MCCC1: variants seen among roughly 807,000 people sequenced by gnomAD.
MCCC1 encodes methylcrotonoyl-CoA carboxylase subunit alpha, mitochondrial.
Under a neutral mutation model 83.8 loss-of-function variants are expected in MCCC1, and 64 were observed. The ratio of observed to expected loss-of-function variants is 0.76; its 90% CI spans 0.62 to 0.94. The LOEUF is 0.94. Ranked by LOEUF, MCCC1 falls within the 40% of genes least tolerant of loss-of-function variation. The probability of loss-of-function intolerance (pLI) is 0.00; values close to 1 mark genes in which losing one functional copy is unlikely to be tolerated. For missense variants in MCCC1, 807 were observed against 904.7 expected (o/e 0.89, Z 1.39); for synonymous variants, 322 against 315.4 (o/e 1.02, Z -0.22).
intron 14 of MCCC1, among the ~76,000 whole-genome samples, chr3:183,030,256 C>A (rs142493355): frequency 2.6e-5 from 4 of 152,110 alleles, no homozygotes; most frequent in Middle Eastern, 3.4e-3. Context: ...TGCAGTGAGC[C>A]GAGATCATAC....
At position 183,038,895 on chromosome 3, in the gene MCCC1, A is replaced by G. The variant is rs1034395157; in HGVS notation, c.1377+131T>C. 6.1e-6 allele frequency: 5 copies of G among 821,774 alleles called. No homozygotes were observed. The African/African-American group carries it at 8.4e-5, about 14-fold the overall frequency. 50.9% of individuals were successfully genotyped at this position (821,774 alleles called of 1,614,324 possible). A position where few individuals can be genotyped will look rare whatever the true frequency, so the allele number is the denominator to read the frequency against. On this transcript the variant is annotated intron_variant, in intron 12 of 18. Transcript: ENST00000265594. ...CCCACGCAAAATTCTCCCATGTGAAACTATTTTGTTTGGGCAATTGATGGA... is the reference window on the plus strand; with the variant it reads ...CCCACGCAAAATTCTCCCATGTGAAGCTATTTTGTTTGGGCAATTGATGGA...
At chr3:183,061,531 AAGAC>A (rs1428832038) in intron 7 of MCCC1, among the ~76,000 whole-genome samples, 1 of 152,132 alleles carries the variant, frequency 6.6e-6, no homozygotes, top group African/African-American at 2.4e-5. Context: ...AGGTCCCTCT[AAGAC>A]AGGGCCCCAA....
chr3:183,030,397 C>A (rs1016579470), intron 14 of MCCC1, among the ~76,000 whole-genome samples: 1 of 152,184 alleles, frequency 6.6e-6, no homozygotes, highest in Non-Finnish European at 1.5e-5. Context: ...TGTGCTCACG[C>A]TTCTCCTTCA....
intron 1 of MCCC1, among the ~76,000 whole-genome samples, chr3:183,109,741 A>T (rs1342513558): frequency 3.9e-5 from 6 of 152,160 alleles, no homozygotes; most frequent in Non-Finnish European, 8.8e-5. Flanking sequence ...TCTTTGGTAG[A>T]ATGATTTATA....
intron 4 of MCCC1, among the ~76,000 whole-genome samples, chr3:183,081,953 T>C (rs1365899820): frequency 6.6e-6 from 1 of 152,170 alleles, no homozygotes; most frequent in Non-Finnish European, 1.5e-5. Context: ...GAGCCAGCTG[T>C]GCAGCTGCGG....
chr3:183,019,329 C>A (rs960216122), intron 17 of MCCC1, among the ~76,000 whole-genome samples: 1 of 152,170 alleles, frequency 6.6e-6, no homozygotes, highest in Non-Finnish European at 1.5e-5. Flanking sequence ...CTCCAGAATT[C>A]ATTTGTTAAA....
In MCCC1 at chr3:183,092,558, C is replaced by T. The variant is rs766994615; in HGVS notation, c.137-13G>A. On this transcript the variant is annotated splice_polypyrimidine_tract_variant and intron_variant, in intron 2 of 18. Transcript: ENST00000265594. ...GTAATGTTTCTTCCTGTTTAAAACA[C>T]CATGAAAATCACACAGAAATGTTAC... The T allele has an allele frequency of 1.2e-6, 2 of 1,613,792 alleles. No individual in the cohort carries two copies. Among genetic ancestry groups the T allele is most frequent in the African/African-American group, 2.7e-5 (2 of 74,880 alleles).
chr3:183,068,070 G>A (rs756171958), intron 7 of MCCC1, among the ~76,000 whole-genome samples: 2 of 152,118 alleles, frequency 1.3e-5, no homozygotes, highest in Non-Finnish European at 2.9e-5. Flanking sequence ...ACAGAAGATG[G>A]ATCTTTGTCC....
At chr3:183,100,725 C>T (rs1015228093), upstream of MCCC1, among the ~76,000 whole-genome samples, 4 of 152,248 alleles carry the variant, frequency 2.6e-5, no homozygotes, top group Non-Finnish European at 4.4e-5. Flanking sequence ...TGAGATGTGA[C>T]AGCGTGCTGG....
intron 10 of MCCC1, among the ~76,000 whole-genome samples, chr3:183,044,704 A>T (rs1317684460): frequency 6.6e-6 from 1 of 152,112 alleles, no homozygotes; most frequent in Non-Finnish European, 1.5e-5. Flanking sequence ...AGCCCCTGTG[A>T]CACAATCTCA....
chr3:183,086,605 C>T (rs991893344), intron 4 of MCCC1, 88 bp downstream of exon 4: 2 of 1,192,576 alleles, frequency 1.7e-6, no homozygotes, highest in African/African-American at 1.5e-5. Context: ...TTGGGAAAGG[C>T]TAAAAATAGA....
Position 183,015,319 on chromosome 3 carries a change from TAAG to T in MCCC1, c.*116_*118del. On this transcript the variant is annotated 3_prime_UTR_variant, in exon 19 of 19. Coordinates refer to ENST00000265594, the MANE Select transcript of MCCC1 (RefSeq NM_020166.5). ...TCTCCAATATGAAAGGTGTTCAGCA[TAAG>T]CATACAATCATTTAGTAAAACTGCT... 9.8e-7 allele frequency: 1 copy of T among 1,015,382 alleles called. No individual in the cohort carries two copies. Among genetic ancestry groups the T allele is most frequent in the South Asian group, 1.3e-5 (1 of 78,504 alleles). 62.9% of individuals were successfully genotyped at this position (1,015,382 alleles called of 1,614,324 possible).
chr3:183,032,946 G>A (rs1263679180), intron 14 of MCCC1, among the ~76,000 whole-genome samples: 1 of 151,970 alleles, frequency 6.6e-6, no homozygotes, highest in Non-Finnish European at 1.5e-5. Context: ...ATTTTCCTCT[G>A]TCCAAGGAAG....
At chr3:183,066,875 T>C (rs892143101) in intron 7 of MCCC1, among the ~76,000 whole-genome samples, 19 of 152,270 alleles carry the variant, frequency 1.2e-4, no homozygotes, top group African/African-American at 3.1e-4. Context: ...TTTTAAGCTA[T>C]TGACAGCTTT....
chr3:183,015,567 C>T lies in MCCC1; in HGVS notation c.2050-1G>A. 6.2e-7 allele frequency: 1 copy of T among 1,614,102 alleles called. No individual in the cohort carries two copies. Among genetic ancestry groups the T allele is most frequent in the Non-Finnish European group, 8.5e-7 (1 of 1,179,990 alleles). On this transcript the variant is annotated splice_acceptor_variant, in intron 18 of 18. Transcript: ENST00000265594. LOFTEE classifies it high-confidence loss of function. ...CATCCTTTGGAGACTTTATGGTATG[C>T]TGCAGAGACACATGACAGGACAAAT...
chr3:183,023,307 G>A (rs1467273597), intron 15 of MCCC1, among the ~76,000 whole-genome samples: 3 of 152,144 alleles, frequency 2.0e-5, no homozygotes, highest in African/African-American at 7.2e-5. Flanking sequence ...ACACTAAGGT[G>A]AAATAGGTCA....
chr3:183,045,960 C>A (rs1714527091), intron 9 of MCCC1, among the ~76,000 whole-genome samples: 1 of 152,100 alleles, frequency 6.6e-6, no homozygotes, highest in East Asian at 1.9e-4. Context: ...TTTTTAAAGC[C>A]CTTTTGCTGG....
Position 183,064,608 on chromosome 3 carries a change from G to A in MCCC1, c.761+6391C>T, listed in dbSNP as rs1405160628. Among the ~76,000 whole-genome samples, 1 of 152,192 alleles carries A rather than the reference G, an allele frequency of 6.6e-6. No homozygotes were observed. Among genetic ancestry groups the A allele is most frequent in the African/African-American group, 2.4e-5 (1 of 41,456 alleles). On this transcript the variant is annotated intron_variant, in intron 7 of 18. Transcript: ENST00000265594. The surrounding 1 kb of genome is among the most constrained non-coding windows in gnomAD (Gnocchi z 4.5). ...CTGCACGCCAGCTCCCCGGTTCGCCGGCTGCGGTACGCCTCCTGCGCGTTG... is the reference window on the plus strand; with the variant it reads ...CTGCACGCCAGCTCCCCGGTTCGCCAGCTGCGGTACGCCTCCTGCGCGTTG...
At chr3:183,088,468 A>C (rs1718077968) in intron 3 of MCCC1, among the ~76,000 whole-genome samples, 1 of 152,104 alleles carries the variant, frequency 6.6e-6, no homozygotes, top group African/African-American at 2.4e-5. Flanking sequence ...GGGCCTCTCA[A>C]AGTGCTGGGA....
Sources: gnomAD v4.1 joint callset for allele counts (sites outside exome capture counted in the v4.1 genomes callset) on GRCh38, gnomAD v4.1.1 for gene constraint, Gnocchi (gnomAD v3.1) non-coding constraint, MANE v1.5 for transcripts, NCBI Gene and HGNC (gene_info 2026-07-23, HGNC 2026-07-21) for gene names.